CNGA1: variants seen among roughly 807,000 people sequenced by gnomAD.
The protein encoded by CNGA1 is cyclic nucleotide-gated channel alpha-1.
A neutral mutation model predicts 69.7 loss-of-function variants in CNGA1; 53 were observed. That is an observed-to-expected ratio of 0.76 (90% CI 0.61 to 0.96). The LOEUF is 0.96. Among genes scored for constraint, CNGA1 ranks in the 40% least tolerant of loss-of-function variants. CNGA1 has a pLI of 0.00. For missense variants in CNGA1, 739 were observed against 811.2 expected (o/e 0.91, Z 1.08); for synonymous variants, 249 against 283.5 (o/e 0.88, Z 1.22).
chr4:47,991,082 T>C (rs965176009), intron 2 of CNGA1, among the ~76,000 whole-genome samples: 5 of 152,318 alleles, frequency 3.3e-5, no homozygotes, highest in East Asian at 1.9e-4. Context: ...ACTGATTCTA[T>C]GTTTTTTGCA....
At chr4:48,011,773 A>G (rs2661513) in intron 1 of CNGA1, among the ~76,000 whole-genome samples, 118,955 of 152,088 alleles carry the variant, frequency 0.78, 47,091 homozygotes, top group Non-Finnish European at 0.85. Flanking sequence ...GGCTGTAGGC[A>G]AATTTAAACA....
intron 6 of CNGA1, among the ~76,000 whole-genome samples, chr4:47,948,726 G>A (rs1560624398): frequency 6.6e-6 from 1 of 152,192 alleles, no homozygotes; most frequent in Admixed American, 6.5e-5. Flanking sequence ...CACCTAGGTG[G>A]TCTTTTGGTA....
intron 1 of CNGA1, among the ~76,000 whole-genome samples, chr4:48,013,178 A>C (rs1047630500): frequency 6.6e-6 from 1 of 152,218 alleles, no homozygotes; most frequent in Non-Finnish European, 1.5e-5. Flanking sequence ...GAGCTGTAAA[A>C]TTAGCTCATG....
intron 1 of CNGA1, among the ~76,000 whole-genome samples, chr4:48,013,754 G>T (rs1249246567): frequency 6.6e-6 from 1 of 152,146 alleles, no homozygotes; most frequent in Non-Finnish European, 1.5e-5. Flanking sequence ...ATAATTAAGG[G>T]AAAGGCAAGA....
chr4:47,970,849 G>A, intron 3 of CNGA1: 1 of 452,824 alleles, frequency 2.2e-6, no homozygotes, highest in Non-Finnish European at 4.4e-6. Flanking sequence ...AAAGGTATTG[G>A]AAATCCTTCA....
At chr4:47,941,265 A>G (rs569322494) in intron 9 of CNGA1, among the ~76,000 whole-genome samples, 1 of 152,374 alleles carries the variant, frequency 6.6e-6, no homozygotes, top group Non-Finnish European at 1.5e-5. Flanking sequence ...TATATGCATT[A>G]TATACAAGTA....
At chr4:47,964,129 A>C (rs1171191602) in intron 3 of CNGA1, among the ~76,000 whole-genome samples, 6 of 152,240 alleles carry the variant, frequency 3.9e-5, no homozygotes. Flanking sequence ...CCTTTTCAGC[A>C]TCAGAATGAA....
chr4:47,981,417 T>C lies in CNGA1; in HGVS notation c.-39A>G, dbSNP rs1050765379. 2.6e-5 allele frequency: 4 copies of C among 152,244 alleles called. No homozygotes were observed. Among genetic ancestry groups the C allele is most frequent in the Non-Finnish European group, 5.9e-5 (4 of 68,038 alleles). The allele number at this position is 152,244 out of a possible 1,614,324, so 9.4% of individuals were successfully genotyped here. A position where few individuals can be genotyped will look rare whatever the true frequency, so the allele number is the denominator to read the frequency against. ...CCTTTGGTTGTTTAAGTAATATAAC[T>C]TTGTCTTCTAGAAGTGGACGTCACT... On this transcript the variant is annotated 5_prime_UTR_variant, in exon 3 of 11. Transcript: ENST00000514170.
intron 6 of CNGA1, among the ~76,000 whole-genome samples, chr4:47,944,599 C>G (rs1348660221): frequency 6.6e-6 from 1 of 152,126 alleles, no homozygotes; most frequent in Non-Finnish European, 1.5e-5. Flanking sequence ...AAAGTGGCAT[C>G]TTGAAGTGGA....
chr4:47,977,729 T>A (rs542608543), intron 3 of CNGA1, among the ~76,000 whole-genome samples: 1 of 152,258 alleles, frequency 6.6e-6, no homozygotes, highest in African/African-American at 2.4e-5. Context: ...AGCAACAAAA[T>A]TTTTTTAATT....
intron 1 of CNGA1, among the ~76,000 whole-genome samples, chr4:48,012,154 C>T (rs374348379): frequency 7.2e-5 from 11 of 152,254 alleles, no homozygotes; most frequent in African/African-American, 2.6e-4. Flanking sequence ...GAAAATAACT[C>T]ATGATATATT....
chr4:47,956,113 G>A (rs1740071033), intron 3 of CNGA1, among the ~76,000 whole-genome samples: 1 of 152,206 alleles, frequency 6.6e-6, no homozygotes, highest in African/African-American at 2.4e-5. Flanking sequence ...CTCAGATTCT[G>A]GATGGCATTT....
At chr4:47,947,716 G>A (rs940479440) in intron 6 of CNGA1, among the ~76,000 whole-genome samples, 3 of 152,074 alleles carry the variant, frequency 2.0e-5, no homozygotes, top group Admixed American at 6.6e-5. Context: ...CCCAAATTAA[G>A]AATATACATG....
chr4:47,937,733 A>G lies in CNGA1; in HGVS notation c.749T>C (p.Ile250Thr). The G allele has an allele frequency of 6.2e-7, 1 of 1,613,966 alleles. No homozygotes were observed. Among genetic ancestry groups the G allele is most frequent in the Non-Finnish European group, 8.5e-7 (1 of 1,179,878 alleles). Residue 250 changes from isoleucine (I) to threonine (T), a missense_variant, in exon 11 of 11, where the codon ATA becomes ACA. By Grantham distance (89) the Ile-to-Thr change is moderately conservative (BLOSUM62 -1). Coordinates refer to ENST00000514170, the MANE Select transcript of CNGA1 (RefSeq NM_001379270.1). ...LQFKLDVLSL[I>T]PTDLLYFKLG... is the part of the protein sequence containing the mutation. ...CTTAAAATACAGCAAATCAGTTGGT[A>G]TCAGTGACAGAACATCAAGTTTAAA...
At chr4:47,959,521 G>T (rs565881777) in intron 3 of CNGA1, among the ~76,000 whole-genome samples, 22 of 152,212 alleles carry the variant, frequency 1.4e-4, no homozygotes, top group Middle Eastern at 3.4e-3. Context: ...AAATTATAAA[G>T]CTTCTAGAAT....
In CNGA1 at chr4:47,936,928, G is replaced by A. The variant is rs1233392283; in HGVS notation, c.1554C>T (p.Gly518=). The change falls in exon 11 of 11, where the codon GGC becomes GGT. Residue 518 remains glycine, a synonymous_variant. Transcript: ENST00000514170. ...CATCATCTGCCACCACAGCGAGTTT[G>A]CCTTCCTTGATAATGTACATCTCTC... is the stretch of plus-strand genomic sequence containing the variant. ...IGREMYIIKE[G]KLAVVADDGV... The A allele has an allele frequency of 1.2e-6, 2 of 1,614,040 alleles. No individual in the cohort carries two copies. The highest frequency in any genetic ancestry group is 8.5e-7 in the Non-Finnish European group (1 of 1,179,974).
chr4:48,001,311 A>G (rs913257778), intron 2 of CNGA1, among the ~76,000 whole-genome samples: 4 of 152,162 alleles, frequency 2.6e-5, no homozygotes, highest in African/African-American at 9.7e-5. Context: ...TCTACTAAAC[A>G]TACAAAAATT....
At chr4:47,979,995 C>T (rs922408626) in intron 3 of CNGA1, among the ~76,000 whole-genome samples, 1 of 151,994 alleles carries the variant, frequency 6.6e-6, no homozygotes, top group Non-Finnish European at 1.5e-5. Context: ...TAGTTTTTTG[C>T]TTTACTGAGA....
At chr4:47,983,450 G>A (rs72493578) in intron 2 of CNGA1, among the ~76,000 whole-genome samples, 17,191 of 151,856 alleles carry the variant, frequency 0.11, 1,566 homozygotes, top group East Asian at 0.32. Flanking sequence ...CTAGCTGGGC[G>A]TGGTGGTACA....
Sources: gnomAD v4.1 joint callset for allele counts (sites outside exome capture counted in the v4.1 genomes callset) on GRCh38, gnomAD v4.1.1 for gene constraint, MANE v1.5 for transcripts, NCBI Gene and HGNC (gene_info 2026-07-23, HGNC 2026-07-21) for gene names.